Variants in PCDHA6 observed in about 807,000 individuals in gnomAD.
The protein encoded by PCDHA6 is protocadherin alpha 6, also known as protocadherin alpha-6.
A neutral mutation model predicts 60.3 loss-of-function variants in PCDHA6; 55 were observed. That is an observed-to-expected ratio of 0.91 (90% CI 0.73 to 1.14). The LOEUF is 1.14. Among genes scored for constraint, PCDHA6 ranks in the 50% most tolerant of loss-of-function variants. The probability of loss-of-function intolerance (pLI) is 0.00; values close to 1 mark genes in which losing one functional copy is unlikely to be tolerated. For synonymous variants in PCDHA6, 652 were observed against 557.9 expected, an observed-to-expected ratio of 1.17 and a Z score of -2.38; for missense variants, 1,327 against 1,256.5, an observed-to-expected ratio of 1.06 and a Z score of -0.85.
intron 1 of PCDHA6, chr5:140,835,475 A>T (rs141258579): frequency 6.2e-7 from 1 of 1,613,920 alleles, no homozygotes; most frequent in Non-Finnish European, 8.5e-7. Flanking sequence ...AGGACGCCCA[A>T]CCAGGTACCG....
intron 1 of PCDHA6, chr5:140,928,443 G>A: frequency 6.2e-7 from 1 of 1,614,184 alleles, no homozygotes. Context: ...ACTTTGAGCA[G>A]CTCAGGGGGT....
At chr5:140,985,712 A>G (rs1319708410) in intron 3 of PCDHA6, among the ~76,000 whole-genome samples, 2 of 148,826 alleles carry the variant, frequency 1.3e-5, no homozygotes, top group Non-Finnish European at 3.0e-5. Context: ...TGTTTCTTAA[A>G]GTTATTTTTC....
intron 1 of PCDHA6, among the ~76,000 whole-genome samples, chr5:140,886,844 A>C (rs11748231): frequency 2.0e-5 from 3 of 150,634 alleles, no homozygotes; most frequent in African/African-American, 7.3e-5. Flanking sequence ...AAAAAAAAAA[A>C]AAAGAAAGGT....
At chr5:140,857,723 G>C (rs782731784) in intron 1 of PCDHA6, 1 of 1,597,514 alleles carries the variant, frequency 6.3e-7, no homozygotes, top group Non-Finnish European at 8.6e-7. Flanking sequence ...GGACGAGAAC[G>C]ACAACGCTCC....
At chr5:140,975,236 T>A (rs562846037) in intron 1 of PCDHA6, among the ~76,000 whole-genome samples, 84 of 152,334 alleles carry the variant, frequency 5.5e-4, no homozygotes, top group African/African-American at 1.9e-3. Context: ...TCACATGGAA[T>A]CCCTCTTATG....
intron 1 of PCDHA6, among the ~76,000 whole-genome samples, chr5:140,960,351 T>C (rs1268803425): frequency 3.3e-5 from 5 of 152,192 alleles, no homozygotes; most frequent in African/African-American, 7.2e-5. Flanking sequence ...AGATATGTAC[T>C]GAAATAATAT....
chr5:140,936,312 C>A (rs2090900162), intron 1 of PCDHA6, among the ~76,000 whole-genome samples: 1 of 152,166 alleles, frequency 6.6e-6, no homozygotes, highest in Non-Finnish European at 1.5e-5. Context: ...ATAGAACTTT[C>A]TGACATGCTA....
At position 140,916,114 on chromosome 5, in the gene PCDHA6, G is replaced by A. The variant is rs533496476; in HGVS notation, c.2395-62835G>A. On this transcript the variant is annotated intron_variant, in intron 1 of 3. Transcript: ENST00000529310. ...GGGAATCTGCCTGGCCACTGCTGAT[G>A]TTCACTTAAAGCTTAAGGGCTGTTC... 5.9e-5 allele frequency among the ~76,000 whole-genome samples: 9 copies of A among 152,238 alleles called. No homozygotes were observed. In the East Asian group the frequency reaches 1.7e-3, roughly 29 times the overall value.
chr5:140,942,511 CAG>C (rs574477918), intron 1 of PCDHA6, among the ~76,000 whole-genome samples: 21 of 151,458 alleles, frequency 1.4e-4, no homozygotes, highest in Non-Finnish European at 2.8e-4. Flanking sequence ...CTAGGAAACT[CAG>C]AGGGGAAGCA....
chr5:140,983,768 T>G (rs1236827804), intron 3 of PCDHA6, among the ~76,000 whole-genome samples: 2 of 152,196 alleles, frequency 1.3e-5, no homozygotes, highest in African/African-American at 4.8e-5. Context: ...CAAATACATA[T>G]CTACATACAT....
rs1311209449 is a variant in PCDHA6, at chr5:141,010,944, A to G, written c.*1007A>G. On this transcript the variant is annotated 3_prime_UTR_variant, in exon 4 of 4. Transcript: ENST00000529310. ...GAGAATTCAGTCTACAGCCATTTAA[A>G]TGATCATTGCTGCTACAGAAGTGCT... 6.5e-6 allele frequency: 1 copy of G among 153,776 alleles called. No individual in the cohort carries two copies. The highest frequency in any genetic ancestry group is 2.4e-5 in the African/African-American group (1 of 41,450). 9.5% of individuals were successfully genotyped at this position (153,776 alleles called of 1,614,324 possible).
chr5:140,963,238 A>G (rs1347398946), intron 1 of PCDHA6, among the ~76,000 whole-genome samples: 1 of 152,090 alleles, frequency 6.6e-6, no homozygotes, highest in Non-Finnish European at 1.5e-5. Context: ...TGTTTGATGG[A>G]TTAGGTAGGT....
chr5:140,897,997 G>C (rs1174176296), intron 1 of PCDHA6, among the ~76,000 whole-genome samples: 1 of 152,168 alleles, frequency 6.6e-6, no homozygotes, highest in Non-Finnish European at 1.5e-5. Context: ...CTTTTGAGAA[G>C]TGTCTGTTCA....
intron 1 of PCDHA6, among the ~76,000 whole-genome samples, chr5:140,947,506 A>C (rs1034178009): frequency 6.6e-6 from 1 of 151,700 alleles, no homozygotes; most frequent in Non-Finnish European, 1.5e-5. Flanking sequence ...TTAAATTTTC[A>C]TATAAATTTT....
chr5:140,928,276 G>A (rs2153595075), intron 1 of PCDHA6: 2 of 1,614,172 alleles, frequency 1.2e-6, no homozygotes, highest in South Asian at 1.1e-5. Context: ...TGGCCCTGGG[G>A]CCTCTCTAGG....
At chr5:140,936,419 TTTAA>T (rs1159041231) in intron 1 of PCDHA6, among the ~76,000 whole-genome samples, 4 of 152,184 alleles carry the variant, frequency 2.6e-5, no homozygotes, top group Non-Finnish European at 5.9e-5. Context: ...TGTTACTAAT[TTTAA>T]TTAATTTAAG....
At chr5:140,881,785 C>A (rs2058831561) in intron 1 of PCDHA6, among the ~76,000 whole-genome samples, 1 of 152,202 alleles carries the variant, frequency 6.6e-6, no homozygotes, top group South Asian at 2.1e-4. Context: ...AACTACCGAT[C>A]AATTGTCCCA....
chr5:140,867,224 C>A (rs1432488021), intron 1 of PCDHA6: 7 of 152,034 alleles, frequency 4.6e-5, no homozygotes, highest in African/African-American at 1.4e-4. Flanking sequence ...TCCCCAATTC[C>A]CATAATAAGG....
intron 1 of PCDHA6, chr5:140,859,624 G>C (rs11749013): frequency 0.2 from 31,664 of 160,658 alleles, 6,158 homozygotes; most frequent in Middle Eastern, 0.25. Context: ...TTCTCTTTGA[G>C]TATGGAGATT....
Sources: gnomAD v4.1 joint callset for allele counts (sites outside exome capture counted in the v4.1 genomes callset) on GRCh38, gnomAD v4.1.1 for gene constraint, MANE v1.5 for transcripts, NCBI Gene and HGNC (gene_info 2026-07-23, HGNC 2026-07-21) for gene names.